Variants in PTPRZ1 observed in about 807,000 individuals in gnomAD.
PTPRZ1 encodes the protein protein tyrosine phosphatase receptor type Z1.
Under a neutral mutation model 214.1 loss-of-function variants are expected in PTPRZ1, and 82 were observed. The observed-to-expected ratio is 0.38, with a 90% CI of 0.32 to 0.46. PTPRZ1 has a LOEUF of 0.46. PTPRZ1 is among the 20% of genes least tolerant of loss of function. PTPRZ1 has a pLI of 1.00. For synonymous variants in PTPRZ1, 945 were observed against 987.9 expected (o/e 0.96, Z 0.81); for missense variants, 2,603 against 2,748.7 (o/e 0.95, Z 1.19).
Position 122,019,209 on chromosome 7 carries a change from C to T in PTPRZ1, c.4929C>T (p.Ile1643=), listed in dbSNP as rs1335851772. The change falls in exon 13 of 30, where the codon ATC becomes ATT. Residue 1643 remains isoleucine (I), a synonymous_variant. Coordinates refer to ENST00000393386, the MANE Select transcript of PTPRZ1 (RefSeq NM_002851.3). ...SEKKAVIPLV[I]VSALTFICLV... ...AGAAGGCAGTTATACCCCTTGTGAT[C>T]GTGTCAGCCCTGACTTTTATCTGTC... 8 of 1,611,948 alleles carry T rather than the reference C, an allele frequency of 5.0e-6. No homozygotes were observed. The highest frequency in any genetic ancestry group is 1.3e-5 in the African/African-American group (1 of 74,924).
intron 23 of PTPRZ1, among the ~76,000 whole-genome samples, chr7:122,049,892 A>G (rs1792114583): frequency 6.6e-6 from 1 of 152,188 alleles, no homozygotes; most frequent in Non-Finnish European, 1.5e-5. Flanking sequence ...TTATGATGTG[A>G]TATAATAGTA....
chr7:121,997,748 C>T (rs1798189425), intron 9 of PTPRZ1, 132 bp from the exon 10 acceptor site: 1 of 546,544 alleles, frequency 1.8e-6, no homozygotes, highest in Non-Finnish European at 2.8e-6. Flanking sequence ...ATTGCATAAA[C>T]TTTTCCTTAG....
intron 17 of PTPRZ1, 68 bp from the exon 18 acceptor site, chr7:122,036,532 A>C: frequency 9.7e-7 from 1 of 1,034,142 alleles, no homozygotes; most frequent in East Asian, 2.5e-5. Context: ...TTATTATGCA[A>C]ATATGAATTA....
intron 1 of PTPRZ1, chr7:121,908,984 T>C (rs771341707): frequency 5.8e-6 from 3 of 514,938 alleles, no homozygotes; most frequent in Admixed American, 2.0e-5. Flanking sequence ...TATTGTCACA[T>C]TTTGGATTAT....
chr7:121,935,361 A>C (rs972571648), intron 2 of PTPRZ1, among the ~76,000 whole-genome samples: 1 of 152,116 alleles, frequency 6.6e-6, no homozygotes, highest in Non-Finnish European at 1.5e-5. Flanking sequence ...TGGGATGGGC[A>C]AGTCCTAGCA....
intron 28 of PTPRZ1, 86 bp downstream of exon 28, chr7:122,059,028 T>C: frequency 1.5e-6 from 2 of 1,295,492 alleles, no homozygotes; most frequent in Non-Finnish European, 2.1e-6. Flanking sequence ...AACCTAATGC[T>C]TTGGACCCAC....
chr7:121,955,582 T>TTAGTTAACATTGAGGGCAGC (rs1796681338), intron 2 of PTPRZ1, among the ~76,000 whole-genome samples: 1 of 152,192 alleles, frequency 6.6e-6, no homozygotes, highest in Non-Finnish European at 1.5e-5. Context: ...TTGAGGGCAG[T>TTAGTTAACATTGAGGGCAGC]TAGTTAACAT....
intron 22 of PTPRZ1, 48 bp downstream of exon 22, chr7:122,042,791 T>C (rs755196095): frequency 6.4e-6 from 10 of 1,562,954 alleles, no homozygotes; most frequent in Non-Finnish European, 7.0e-6. Flanking sequence ...TATGGAAATG[T>C]CACTAAAATG....
At chr7:121,917,705 C>G (rs191054793) in intron 1 of PTPRZ1, among the ~76,000 whole-genome samples, 4 of 152,120 alleles carry the variant, frequency 2.6e-5, no homozygotes, top group African/African-American at 9.6e-5. Context: ...ATATATATCC[C>G]TATTTTTAAA....
chr7:121,944,054 T>C (rs1796306202), intron 2 of PTPRZ1, among the ~76,000 whole-genome samples: 1 of 152,228 alleles, frequency 6.6e-6, no homozygotes, highest in Non-Finnish European at 1.5e-5. Flanking sequence ...AGCTGCTATC[T>C]GCATCAATAG....
intron 1 of PTPRZ1, among the ~76,000 whole-genome samples, chr7:121,877,242 G>A (rs1455054570): frequency 2.0e-5 from 3 of 152,104 alleles, no homozygotes; most frequent in African/African-American, 7.2e-5. Flanking sequence ...CAGATAAGTT[G>A]CCTAACATCA....
rs1792514983 is a variant in PTPRZ1 at position 122,059,892 on chromosome 7, A to G, written c.6807+4A>G. On this transcript the variant is annotated splice_donor_region_variant and intron_variant, in intron 29 of 29. Coordinates refer to ENST00000393386, the MANE Select transcript of PTPRZ1 (RefSeq NM_002851.3). ...GCCAGGAGTCTTTGCTGACATTGTA[A>G]GTAACAAGGCAGTGAACGAAATTTT... 2 of 1,608,070 alleles carry G rather than the reference A, an allele frequency of 1.2e-6. No homozygotes were observed. Among genetic ancestry groups the G allele is most frequent in the African/African-American group, 2.7e-5 (2 of 74,504 alleles).
At chr7:121,894,597 G>A (rs1399599121) in intron 1 of PTPRZ1, among the ~76,000 whole-genome samples, 3 of 152,028 alleles carry the variant, frequency 2.0e-5, no homozygotes, top group Non-Finnish European at 4.4e-5. Context: ...GTAGAGACAC[G>A]ATTTTGCTAT....
intron 8 of PTPRZ1, among the ~76,000 whole-genome samples, chr7:121,986,546 A>T (rs1291567691): frequency 2.0e-5 from 3 of 152,202 alleles, no homozygotes; most frequent in Non-Finnish European, 4.4e-5. Context: ...ACATGATAGG[A>T]CCTATAAAGT....
chr7:121,921,870 A>G (rs1163366107), intron 1 of PTPRZ1, among the ~76,000 whole-genome samples: 2 of 152,204 alleles, frequency 1.3e-5, no homozygotes, highest in Non-Finnish European at 2.9e-5. Flanking sequence ...CTAGTATTAT[A>G]GCCTAAACAA....
intron 1 of PTPRZ1, 139 bp downstream of exon 1, chr7:121,873,696 G>A (rs1235791464): frequency 4.1e-5 from 44 of 1,078,876 alleles, no homozygotes; most frequent in African/African-American, 1.6e-5. Context: ...GGGCTCCCAC[G>A]GAGCGGGCGG....
chr7:121,942,412 T>C (rs1163943646), intron 2 of PTPRZ1, among the ~76,000 whole-genome samples: 1 of 152,268 alleles, frequency 6.6e-6, no homozygotes. Context: ...CTTTAATTTC[T>C]GTGGAGATAA....
At chr7:122,053,034 C>T (rs549715407) in intron 25 of PTPRZ1, among the ~76,000 whole-genome samples, 1 of 152,184 alleles carries the variant, frequency 6.6e-6, no homozygotes, top group African/African-American at 2.4e-5. Flanking sequence ...AGCAGTCTCA[C>T]CTAAAGTCTT....
chr7:121,951,464 G>T (rs1298271347), intron 2 of PTPRZ1, among the ~76,000 whole-genome samples: 1 of 152,174 alleles, frequency 6.6e-6, no homozygotes, highest in African/African-American at 2.4e-5. Context: ...TTATTATTTG[G>T]TAGTGGCAAA....
Sources: allele counts gnomAD v4.1 joint callset (sites outside exome capture counted in the v4.1 genomes callset), GRCh38; gene constraint gnomAD v4.1.1; transcripts MANE v1.5; gene names NCBI Gene and HGNC (gene_info 2026-07-23, HGNC 2026-07-21).